The following ZBTB8A variants were observed in gnomAD, a reference collection of about 807,000 sequenced individuals.
ZBTB8A encodes the protein zinc finger and BTB domain-containing protein 8A.
In ZBTB8A, 19 loss-of-function variants were observed where a neutral mutation model predicts 37.8. The observed-to-expected ratio is 0.50, with a 90% CI of 0.35 to 0.74. The LOEUF is 0.74. Ranked by LOEUF, ZBTB8A falls within the 30% of genes least tolerant of loss-of-function variation. The probability of loss-of-function intolerance (pLI) is 0.01; values close to 1 mark genes in which losing one functional copy is unlikely to be tolerated. For missense variants in ZBTB8A, 394 were observed against 537.8 expected (o/e 0.73, Z 2.65); for synonymous variants, 181 against 185.2 (o/e 0.98, Z 0.19).
chr1:32,551,140 T>A (rs916212786), intron 1 of ZBTB8A, among the ~76,000 whole-genome samples: 3 of 152,152 alleles, frequency 2.0e-5, no homozygotes, highest in Admixed American at 2.0e-4. Context: ...GGCAACGGGT[T>A]GTTCTCAAAA....
At chr1:32,565,354 G>A (rs1464596440) in intron 2 of ZBTB8A, among the ~76,000 whole-genome samples, 1 of 151,950 alleles carries the variant, frequency 6.6e-6, no homozygotes, top group Non-Finnish European at 1.5e-5. Flanking sequence ...AAGAAAAAAA[G>A]AAATCCGTTT....
At chr1:32,583,609 A>G (rs1382940814) in intron 2 of ZBTB8A, among the ~76,000 whole-genome samples, 2 of 152,150 alleles carry the variant, frequency 1.3e-5, no homozygotes, top group African/African-American at 4.8e-5. Context: ...CCTAATCTGC[A>G]GTCTTTTATT....
chr1:32,543,027 A>G (rs893620433), intron 1 of ZBTB8A, among the ~76,000 whole-genome samples: 8 of 152,184 alleles, frequency 5.3e-5, no homozygotes, highest in African/African-American at 1.7e-4. Context: ...AATCCTTTCA[A>G]TGTGAATATC....
At chr1:32,583,397 A>T (rs1304526175) in intron 2 of ZBTB8A, among the ~76,000 whole-genome samples, 2 of 151,808 alleles carry the variant, frequency 1.3e-5, no homozygotes, top group African/African-American at 4.8e-5. Flanking sequence ...AAAAAAAAAA[A>T]AAGTCAGGTT....
chr1:32,553,206 C>T (rs1644171200), intron 1 of ZBTB8A, among the ~76,000 whole-genome samples: 2 of 151,848 alleles, frequency 1.3e-5, no homozygotes, highest in Admixed American at 6.6e-5. Context: ...ATTACAGGCA[C>T]CTGCCACCAT....
In ZBTB8A at chr1:32,602,806, C is replaced by T. The variant is rs1482534540; in HGVS notation, c.*2387C>T. On this transcript the variant is annotated 3_prime_UTR_variant, in exon 5 of 5. Coordinates refer to ENST00000373510, the MANE Select transcript of ZBTB8A (RefSeq NM_001040441.3). ...GATCTCGTGATCCGCCCCCCTCGGC[C>T]TCCCAAAGTGCTGGGATTACAGGCG... 6.6e-6 allele frequency: 1 copy of T among 152,146 alleles called. No individual in the cohort carries two copies. The highest frequency in any genetic ancestry group is 1.5e-5 in the Non-Finnish European group (1 of 68,044). The allele number at this position is 152,146 out of a possible 1,614,324, so 9.4% of individuals were successfully genotyped here.
intron 1 of ZBTB8A, among the ~76,000 whole-genome samples, chr1:32,547,097 T>G (rs1197722677): frequency 6.6e-6 from 1 of 152,008 alleles, no homozygotes; most frequent in Admixed American, 6.6e-5. Context: ...AGAGATGAGG[T>G]CTCGCCATGT....
At chr1:32,561,200 A>G (rs1644241654) in intron 2 of ZBTB8A, among the ~76,000 whole-genome samples, 2 of 151,392 alleles carry the variant, frequency 1.3e-5, no homozygotes, top group African/African-American at 4.9e-5. Context: ...CTTACTTCCT[A>G]TTTTGTGATT....
At chr1:32,575,273 C>G (rs1421980342) in intron 2 of ZBTB8A, among the ~76,000 whole-genome samples, 2 of 133,748 alleles carry the variant, frequency 1.5e-5, no homozygotes, top group Non-Finnish European at 3.1e-5. Context: ...TTCCCCGAGG[C>G]TGGAGTGCAG....
In ZBTB8A at chr1:32,600,206, A is replaced by C; in HGVS notation, c.1113A>C (p.Glu371Asp). Residue 371 changes from glutamate (E) to aspartate (D), a missense_variant, in exon 5 of 5, where the codon GAA becomes GAC. Glu to Asp is a conservative substitution (Grantham distance 45). This residue lies in a region of ZBTB8A where 85 missense variants were observed against 89.0 expected (regional missense o/e 0.95). Coordinates refer to ENST00000373510, the MANE Select transcript of ZBTB8A (RefSeq NM_001040441.3). ...GACTGTGTAATGAGTGTCTTGCAGA[A>C]TTTGGCATAGACAGCCTCCCCATTG... ...RYRLCNECLA[E>D]FGIDSLPIDL... 6.2e-7 allele frequency: 1 copy of C among 1,614,184 alleles called. No homozygotes were observed. The highest frequency in any genetic ancestry group is 8.5e-7 in the Non-Finnish European group (1 of 1,180,042).
rs746615064 is a variant in ZBTB8A, at chr1:32,593,608, C to A, written c.677C>A (p.Ser226Ter). 1 of 1,614,192 alleles carries A rather than the reference C, an allele frequency of 6.2e-7. No homozygotes were observed. The highest frequency in any genetic ancestry group is 1.7e-5 in the Admixed American group (1 of 60,010). The change falls in exon 3 of 5, where the codon TCA becomes TAA. Residue 226 changes from serine (S) to a stop codon, truncating the protein, a stop_gained. Transcript: ENST00000373510. LOFTEE classifies it high-confidence loss of function. ...CCTTCTGAAGTTACTCATTATAAGT[C>A]AAGCAAACGAGAAGTACGAACATCT... ...SQPSEVTHYK[S>*]SKREVRTSDS...
intron 1 of ZBTB8A, among the ~76,000 whole-genome samples, chr1:32,546,454 AT>A (rs1453989071): frequency 2.3e-5 from 3 of 128,708 alleles, no homozygotes; most frequent in South Asian, 2.2e-4. Flanking sequence ...AAAAAAAAAA[AT>A]AAATAAATAA....
At chr1:32,569,836 T>A (rs1441053340) in intron 2 of ZBTB8A, among the ~76,000 whole-genome samples, 2 of 151,252 alleles carry the variant, frequency 1.3e-5, no homozygotes, top group East Asian at 3.9e-4. Context: ...TTCCCCAGGC[T>A]ACTCTTGAAC....
At chr1:32,544,368 A>G (rs146897256) in intron 1 of ZBTB8A, among the ~76,000 whole-genome samples, 1 of 152,360 alleles carries the variant, frequency 6.6e-6, no homozygotes, top group African/African-American at 2.4e-5. Context: ...AGGCATTTGT[A>G]AAACAATGGT....
intron 2 of ZBTB8A, among the ~76,000 whole-genome samples, chr1:32,584,497 T>A (rs1480770529): frequency 1.4e-5 from 2 of 146,192 alleles, no homozygotes; most frequent in Non-Finnish European, 3.0e-5. Flanking sequence ...TCTTTTTTTC[T>A]TTCTTTCTTT....
intron 2 of ZBTB8A, among the ~76,000 whole-genome samples, chr1:32,571,314 GTAAGATATTA>G (rs552865095): frequency 1.1e-4 from 16 of 152,364 alleles, no homozygotes; most frequent in Middle Eastern, 3.4e-3. Flanking sequence ...TCACAGTTAA[GTAAGATATTA>G]GCAGTTGGCT....
intron 2 of ZBTB8A, among the ~76,000 whole-genome samples, chr1:32,562,771 C>T (rs185223060): frequency 1.7e-4 from 25 of 150,830 alleles, no homozygotes; most frequent in Admixed American, 1.4e-3. Flanking sequence ...TTAGTAGAGA[C>T]GGGGTTTCAC....
chr1:32,561,287 C>T (rs539803126), intron 2 of ZBTB8A, among the ~76,000 whole-genome samples: 1 of 152,206 alleles, frequency 6.6e-6, no homozygotes, highest in East Asian at 1.9e-4. Flanking sequence ...TGAGTGAAAA[C>T]CTACTTGCCT....
chr1:32,590,191 C>T (rs1330393445), intron 2 of ZBTB8A, among the ~76,000 whole-genome samples: 4 of 152,056 alleles, frequency 2.6e-5, no homozygotes, highest in Non-Finnish European at 5.9e-5. Flanking sequence ...ACCTCAGCCT[C>T]CCAAAGTGCT....
Sources: gnomAD v4.1 joint callset for allele counts (sites outside exome capture counted in the v4.1 genomes callset) on GRCh38, gnomAD v4.1.1 for gene constraint, gnomAD v4.1.1 regional missense constraint, MANE v1.5 for transcripts, NCBI Gene and HGNC (gene_info 2026-07-23, HGNC 2026-07-21) for gene names.